Variants in ACOX3 observed in about 807,000 individuals in gnomAD.
ACOX3 encodes acyl-CoA oxidase 3, pristanoyl, also known as peroxisomal acyl-coenzyme A oxidase 3.
Under a neutral mutation model 81.5 loss-of-function variants are expected in ACOX3, and 73 were observed. The observed-to-expected ratio is 0.90, with a 90% CI of 0.74 to 1.09. The LOEUF is 1.09. ACOX3 is among the 50% of genes least tolerant of loss of function. The pLI is 0.00. For missense variants in ACOX3, 947 were observed against 928.0 expected (o/e 1.02, Z -0.27); for synonymous variants, 387 against 375.1 (o/e 1.03, Z -0.37).
rs967981600 is a variant in ACOX3 at position 8,430,218 on chromosome 4, G to A, written c.-15+10430C>T. Among the ~76,000 whole-genome samples the A allele has an allele frequency of 3.9e-5, 6 of 152,190 alleles. No homozygotes were observed. The highest frequency in any genetic ancestry group is 1.9e-4 in the East Asian group (1 of 5,192). The stretch of plus-strand genomic sequence containing the variant: ...ATTATGGGTATCAGTGGGAGCGTCC[G>A]ATTGCAAAAGCAGAAGGAAGGGACT... On this transcript the variant is annotated intron_variant, in intron 1 of 17. Transcript: ENST00000356406. The surrounding 1 kb of genome is among the most constrained non-coding windows in gnomAD (Gnocchi z 5.2).
chr4:8,360,736 T>C, the ACOX3 span, among the ~76,000 whole-genome samples: 1 of 152,176 alleles, frequency 6.6e-6, no homozygotes, highest in Non-Finnish European at 1.5e-5. Flanking sequence ...CCTCCCAAAG[T>C]GCTGGGATTA....
At chr4:8,426,648 T>C (rs1653274678) in intron 1 of ACOX3, among the ~76,000 whole-genome samples, 1 of 151,612 alleles carries the variant, frequency 6.6e-6, no homozygotes, top group African/African-American at 2.4e-5. Context: ...TGATGCCCCA[T>C]TGTATAGGAG....
intron 1 of ACOX3, among the ~76,000 whole-genome samples, chr4:8,429,672 G>C (rs547319893): frequency 6.6e-6 from 1 of 152,204 alleles, no homozygotes; most frequent in Admixed American, 6.5e-5. Context: ...TGGAAACAAG[G>C]CTAGGTGATT....
intron 17 of ACOX3, among the ~76,000 whole-genome samples, chr4:8,367,884 T>C (rs1715668683): frequency 6.8e-6 from 1 of 146,384 alleles, no homozygotes. Flanking sequence ...TCTAGCTACT[T>C]GGGAGGCTGA....
Position 8,431,808 on chromosome 4 carries a change from C to G in ACOX3, c.-15+8840G>C, listed in dbSNP as rs368900573. Among the ~76,000 whole-genome samples, 26 of 152,314 alleles carry G rather than the reference C, an allele frequency of 1.7e-4. No homozygotes were observed. The highest frequency in any genetic ancestry group is 5.3e-4 in the African/African-American group (22 of 41,540). On this transcript the variant is annotated intron_variant, in intron 1 of 17. Coordinates refer to ENST00000356406, the MANE Select transcript of ACOX3 (RefSeq NM_003501.3). The surrounding 1 kb of genome is among the most constrained non-coding windows in gnomAD (Gnocchi z 5.3). ...CCCACTTCTGCTCCCTTCGGCACACCGATTCCCTGCTCAGTTTTAGACCTT... is the reference window on the plus strand; with the variant it reads ...CCCACTTCTGCTCCCTTCGGCACACGGATTCCCTGCTCAGTTTTAGACCTT...
Position 8,389,602 on chromosome 4 carries a change from A to G in ACOX3, c.1423+10T>C, listed in dbSNP as rs1438937375. 5 of 1,613,676 alleles carry G rather than the reference A, an allele frequency of 3.1e-6. No homozygotes were observed. Among genetic ancestry groups the G allele is most frequent in the Non-Finnish European group, 4.2e-6 (5 of 1,179,982 alleles). On this transcript the variant is annotated intron_variant, in intron 12 of 17. Transcript: ENST00000356406. This position sits in a 1 kb window ranked among gnomAD's most constrained non-coding sequence, Gnocchi z 5.3. ...TCCAGCGCCCCCACCAGTGTGCAGC[A>G]GAGCCTCACCGTGGACCTGGTGTGC...
chr4:8,402,954 A>AG (rs1720531389), intron 7 of ACOX3, among the ~76,000 whole-genome samples: 1 of 152,186 alleles, frequency 6.6e-6, no homozygotes, highest in Non-Finnish European at 1.5e-5. Flanking sequence ...CCGCCAGAGC[A>AG]GGCCGTTGAG....
intron 13 of ACOX3, among the ~76,000 whole-genome samples, chr4:8,387,241 G>A (rs959100081): frequency 1.3e-5 from 2 of 152,228 alleles, no homozygotes; most frequent in Non-Finnish European, 2.9e-5. Flanking sequence ...CCTTATGAAG[G>A]GGGTACCATC....
In ACOX3 at chr4:8,370,016, T is replaced by A. The variant is rs1194906063; in HGVS notation, c.1983+892A>T. ...ATCGCTCCTCGAGGGCATCATCAGG[T>A]GGGAGGGAGACACAAGGTCAGTGAT... On this transcript the variant is annotated intron_variant, in intron 17 of 17. Coordinates refer to ENST00000356406, the MANE Select transcript of ACOX3 (RefSeq NM_003501.3). The surrounding 1 kb of genome is among the most constrained non-coding windows in gnomAD (Gnocchi z 6.3). 6.6e-6 allele frequency among the ~76,000 whole-genome samples: 1 copy of A among 151,732 alleles called. No homozygotes were observed. Among genetic ancestry groups the A allele is most frequent in the East Asian group, 1.9e-4 (1 of 5,140 alleles).
intron 14 of ACOX3, among the ~76,000 whole-genome samples, chr4:8,380,452 G>T (rs976106823): frequency 6.6e-6 from 1 of 152,156 alleles, no homozygotes; most frequent in Admixed American, 6.5e-5. Context: ...GCCTCCCAAA[G>T]TGCTGGGATT....
rs1451145891 is a variant in ACOX3 at position 8,394,731 on chromosome 4, C to G, written c.1068G>C (p.Leu356Phe). Residue 356 changes from leucine (L) to phenylalanine (F), a missense_variant, in exon 10 of 18, where the codon TTG becomes TTC. By Grantham distance (22) the Leu-to-Phe change is conservative. Transcript: ENST00000356406. This position sits in a 1 kb window ranked among gnomAD's most constrained non-coding sequence, Gnocchi z 5.9. ...VLEYPMQQWR[L>F]LPYLAAVYAL... ...CGTAGACAGCTGCCAGATATGGAAG[C>G]AAGCGCCATTGCTAGAACAGACAAG... 1 of 1,613,378 alleles carries G rather than the reference C, an allele frequency of 6.2e-7. No individual in the cohort carries two copies. The highest frequency in any genetic ancestry group is 8.5e-7 in the Non-Finnish European group (1 of 1,179,726).
At position 8,430,779 on chromosome 4, in the gene ACOX3, G is replaced by C. The variant is rs112423678; in HGVS notation, c.-15+9869C>G. Among the ~76,000 whole-genome samples, 1,357 of 152,218 alleles carry C rather than the reference G, an allele frequency of 8.9e-3. 6 individuals carry two copies. The highest frequency in any genetic ancestry group is 0.033 in the South Asian group (161 of 4,814). On this transcript the variant is annotated intron_variant, in intron 1 of 17. Transcript: ENST00000356406. This position sits in a 1 kb window ranked among gnomAD's most constrained non-coding sequence, Gnocchi z 5.2. ...GCTGAGGCAAGAGAATCGCCTGAAC[G>C]CAGGAGGTAGAGGTTGCAGTGAGCC... is the stretch of plus-strand genomic sequence containing the variant.
rs988933000 is a variant in ACOX3 at position 8,381,945 on chromosome 4, G to A, written c.1538-338C>T. On this transcript the variant is annotated intron_variant, in intron 13 of 17. Transcript: ENST00000356406. The surrounding 1 kb of genome is among the most constrained non-coding windows in gnomAD (Gnocchi z 4.3). ...CGGCTGCACGTTCTCGCACGCACCA[G>A]GCTCGGTCTGTGTGAAGCGTGGTGC... is the stretch of plus-strand genomic sequence containing the variant. Among the ~76,000 whole-genome samples the A allele has an allele frequency of 6.6e-6, 1 of 152,246 alleles. No individual in the cohort carries two copies. Among genetic ancestry groups the A allele is most frequent in the African/African-American group, 2.4e-5 (1 of 41,476 alleles).
At chr4:8,411,225 A>G (rs1484312679) in intron 5 of ACOX3, among the ~76,000 whole-genome samples, 3 of 152,202 alleles carry the variant, frequency 2.0e-5, no homozygotes, top group Admixed American at 2.0e-4. Flanking sequence ...CTCGGGAGAC[A>G]CTGATCCTCC....
the ACOX3 span, chr4:8,356,447 C>T: frequency 2.4e-6 from 1 of 425,112 alleles, no homozygotes; most frequent in South Asian, 1.7e-5. Flanking sequence ...CTCCATCTCT[C>T]AGGAGGAAGT....
At chr4:8,374,921 A>G in intron 15 of ACOX3, 57 bp downstream of exon 15, 1 of 1,443,742 alleles carries the variant, frequency 6.9e-7, no homozygotes, top group Non-Finnish European at 9.2e-7. Flanking sequence ...CTTCCTAGAT[A>G]CAACACGGGG....
In ACOX3 at chr4:8,414,424, T is replaced by C. The variant is rs377485934; in HGVS notation, c.454-43A>G. On this transcript the variant is annotated intron_variant, in intron 4 of 17. Coordinates refer to ENST00000356406, the MANE Select transcript of ACOX3 (RefSeq NM_003501.3). The surrounding 1 kb of genome is among the most constrained non-coding windows in gnomAD (Gnocchi z 6.1). ...AAATGATGGAAAGCAAGAAAAGTTC[T>C]TTGTGCACATTCCCAGAAGGACCTC... The C allele has an allele frequency of 1.9e-5, 29 of 1,541,254 alleles. No homozygotes were observed. In the African/African-American group the frequency reaches 2.9e-4, roughly 15 times the overall value.
Position 8,368,811 on chromosome 4 carries a change from C to T in ACOX3, c.1984-1731G>A, listed in dbSNP as rs1715791427. 1.3e-5 allele frequency among the ~76,000 whole-genome samples: 2 copies of T among 151,838 alleles called. No homozygotes were observed. Among genetic ancestry groups the T allele is most frequent in the Admixed American group, 6.6e-5 (1 of 15,252 alleles). On this transcript the variant is annotated intron_variant, in intron 17 of 17. Transcript: ENST00000356406. This position sits in a 1 kb window ranked among gnomAD's most constrained non-coding sequence, Gnocchi z 5.9. The stretch of plus-strand genomic sequence containing the variant: ...TGGCGCGATCACTGCCCACCACAGC[C>T]TCGACCTCCCCAAGCTCAGGGGATC...
intron 11 of ACOX3, among the ~76,000 whole-genome samples, chr4:8,390,594 A>G (rs1275098972): frequency 1.3e-5 from 2 of 152,232 alleles, no homozygotes; most frequent in Admixed American, 6.5e-5. Context: ...CTTTCCTATC[A>G]GTTAGCTGGA....
Sources: allele counts gnomAD v4.1 joint callset (sites outside exome capture counted in the v4.1 genomes callset), GRCh38; gene constraint gnomAD v4.1.1; non-coding constraint Gnocchi (gnomAD v3.1); transcripts MANE v1.5; gene names NCBI Gene and HGNC (gene_info 2026-07-23, HGNC 2026-07-21).